FLI1: variants seen among roughly 807,000 people sequenced by gnomAD.
FLI1 encodes Friend leukemia integration 1 transcription factor.
A neutral mutation model predicts 53.1 loss-of-function variants in FLI1; 13 were observed. That is an observed-to-expected ratio of 0.24 (90% confidence interval 0.16 to 0.39). The LOEUF (loss-of-function observed/expected upper bound fraction) is 0.39, where lower values mean the gene tolerates loss of function less well. FLI1 is among the 10% of genes least tolerant of loss of function. The pLI is 1.00. For synonymous variants in FLI1, 244 were observed against 236.7 expected, an observed-to-expected ratio of 1.03 and a Z score of -0.28; for missense variants, 424 against 600.5, an observed-to-expected ratio of 0.71 and a Z score of 3.07.
intron 5 of FLI1, among the ~76,000 whole-genome samples, chr11:128,794,912 C>A (rs896786919): frequency 2.6e-5 from 4 of 152,060 alleles, no homozygotes; most frequent in Non-Finnish European, 4.4e-5. Context: ...TCAATCTCTA[C>A]ATCAAATAAA....
At chr11:128,755,487 G>A (rs550488703) in intron 1 of FLI1, among the ~76,000 whole-genome samples, 220 of 152,282 alleles carry the variant, frequency 1.4e-3, no homozygotes, top group African/African-American at 4.7e-3. Context: ...CTTCCAGTGC[G>A]GAGCTCAAGG....
At chr11:128,723,272 G>C (rs1335089930) in intron 1 of FLI1, among the ~76,000 whole-genome samples, 1 of 152,142 alleles carries the variant, frequency 6.6e-6, no homozygotes, top group Non-Finnish European at 1.5e-5. Flanking sequence ...GGAGCAAGTG[G>C]GGGCTCAGGC....
At chr11:128,709,323 G>A (rs1015819920) in intron 1 of FLI1, among the ~76,000 whole-genome samples, 1 of 152,120 alleles carries the variant, frequency 6.6e-6, no homozygotes, top group Non-Finnish European at 1.5e-5. Flanking sequence ...CATTCAAGTC[G>A]ATGCATGAAT....
At chr11:128,709,178 A>G (rs959039363) in intron 1 of FLI1, among the ~76,000 whole-genome samples, 1 of 152,240 alleles carries the variant, frequency 6.6e-6, no homozygotes, top group East Asian at 1.9e-4. Flanking sequence ...TAGTACTGGT[A>G]GTAATAATGC....
intron 5 of FLI1, among the ~76,000 whole-genome samples, chr11:128,793,036 C>T (rs376048596): frequency 2.0e-5 from 3 of 151,926 alleles, no homozygotes; most frequent in African/African-American, 2.4e-5. Flanking sequence ...GAGTATTGCT[C>T]GAGCCCGGGA....
chr11:128,725,455 A>T (rs1939431827), intron 1 of FLI1, among the ~76,000 whole-genome samples: 1 of 152,198 alleles, frequency 6.6e-6, no homozygotes. Context: ...GCAGCCAGGG[A>T]CCCAGCATGG....
chr11:128,790,836 T>C (rs1942249694), intron 5 of FLI1, among the ~76,000 whole-genome samples: 1 of 152,090 alleles, frequency 6.6e-6, no homozygotes, highest in African/African-American at 2.4e-5. Context: ...TTCTCCCCAG[T>C]TTCTGTGTTA....
chr11:128,781,973 A>G lies in FLI1; in HGVS notation c.605A>G (p.Tyr202Cys). The change falls in exon 5 of 9, where the codon TAT becomes TGT. Residue 202 changes from tyrosine to cysteine, a missense_variant. Tyr to Cys is a radical substitution (Grantham distance 194). Coordinates refer to ENST00000527786, the MANE Select transcript of FLI1 (RefSeq NM_002017.5). The stretch of plus-strand genomic sequence containing the variant: ...TGCCTCTCAGGTTCACTGCTGGCCT[A>G]TAATACAACCTCCCACACCGACCAA... Reference protein sequence around the residue: ...SYLRESSLLAYNTTSHTDQSS... With the variant: ...SYLRESSLLACNTTSHTDQSS... 10 of 1,613,902 alleles carry G rather than the reference A, an allele frequency of 6.2e-6. No homozygotes were observed. Among genetic ancestry groups the G allele is most frequent in the Non-Finnish European group, 8.5e-6 (10 of 1,179,790 alleles).
At chr11:128,709,214 TAC>T (rs1397115482) in intron 1 of FLI1, among the ~76,000 whole-genome samples, 1 of 152,256 alleles carries the variant, frequency 6.6e-6, no homozygotes, top group Non-Finnish European at 1.5e-5. Flanking sequence ...CTACCAACCT[TAC>T]TAATAATAAG....
rs1186925913 is a variant in FLI1 at position 128,810,643 on chromosome 11, C to A, written c.1014C>A (p.Ala338=). Residue 338 remains alanine, a synonymous_variant, in exon 9 of 9, where the codon GCC becomes GCA. Transcript: ENST00000527786. This position sits in a 1 kb window ranked among gnomAD's most constrained non-coding sequence, Gnocchi z 6.6. ...PNMNYDKLSR[A]LRYYYDKNIM... ...TGAATTACGACAAGCTGAGCCGGGCCCTCCGTTATTACTATGATAAAAACA... is the reference window on the plus strand; with the variant it reads ...TGAATTACGACAAGCTGAGCCGGGCACTCCGTTATTACTATGATAAAAACA... 1.2e-5 allele frequency: 19 copies of A among 1,613,922 alleles called. No individual in the cohort carries two copies. Among genetic ancestry groups the A allele is most frequent in the Non-Finnish European group, 1.6e-5 (19 of 1,179,938 alleles).
intron 5 of FLI1, among the ~76,000 whole-genome samples, chr11:128,788,438 C>T (rs939732684): frequency 5.3e-5 from 8 of 152,142 alleles, no homozygotes; most frequent in Non-Finnish European, 8.8e-5. Context: ...CACTGCACTC[C>T]AGCCTGGGTG....
In FLI1 at chr11:128,798,481, T is replaced by A. The variant is rs1366778969; in HGVS notation, c.656-6885T>A. Among the ~76,000 whole-genome samples, 4 of 152,370 alleles carry A rather than the reference T, an allele frequency of 2.6e-5. No homozygotes were observed. The East Asian group carries it at 7.7e-4, about 29-fold the overall frequency. ...GCTTTTCATATTTAAAAGTCAGCTA[T>A]TTCTTCCAAGCCTTTTCCTCGTAGG... On this transcript the variant is annotated intron_variant, in intron 5 of 8. Coordinates refer to ENST00000527786, the MANE Select transcript of FLI1 (RefSeq NM_002017.5).
At chr11:128,726,938 G>C (rs370761732) in intron 1 of FLI1, among the ~76,000 whole-genome samples, 42 of 152,270 alleles carry the variant, frequency 2.8e-4, no homozygotes, top group East Asian at 2.3e-3. Context: ...GGGGCAGAGG[G>C]GGGAAGAGGA....
chr11:128,779,694 G>A (rs1941849798), intron 4 of FLI1, among the ~76,000 whole-genome samples: 1 of 152,230 alleles, frequency 6.6e-6, no homozygotes, highest in South Asian at 2.1e-4. Context: ...GGCTCAAAGA[G>A]ATGAGGGAAA....
At position 128,781,971 on chromosome 11, in the gene FLI1, C is replaced by T. The variant is rs1271407777; in HGVS notation, c.603C>T (p.Ala201=). Residue 201 remains alanine (A), a synonymous_variant, in exon 5 of 9, where the codon GCC becomes GCT. Transcript: ENST00000527786. ...LSYLRESSLL[A]YNTTSHTDQS... is the part of the protein sequence containing the mutation. The stretch of plus-strand genomic sequence containing the variant: ...TTTGCCTCTCAGGTTCACTGCTGGC[C>T]TATAATACAACCTCCCACACCGACC... The T allele has an allele frequency of 6.2e-7, 1 of 1,613,762 alleles. No individual in the cohort carries two copies. Among genetic ancestry groups the T allele is most frequent in the South Asian group, 1.1e-5 (1 of 91,084 alleles).
chr11:128,755,994 C>T (rs979403895), intron 1 of FLI1, among the ~76,000 whole-genome samples: 2 of 152,136 alleles, frequency 1.3e-5, no homozygotes, highest in Non-Finnish European at 2.9e-5. Context: ...AAGAGACAGC[C>T]CATGGAGCAG....
intron 1 of FLI1, among the ~76,000 whole-genome samples, chr11:128,718,086 G>A (rs930705464): frequency 1.3e-5 from 2 of 152,174 alleles, no homozygotes; most frequent in African/African-American, 4.8e-5. Context: ...CTTGGAATGG[G>A]ACCCAAATTA....
At chr11:128,780,595 CA>C (rs35623490) in intron 4 of FLI1, among the ~76,000 whole-genome samples, 17,528 of 151,940 alleles carry the variant, frequency 0.12, 2,252 homozygotes, top group African/African-American at 0.32. Context: ...AACTCCGTTT[CA>C]AAAAAAATAA....
At chr11:128,728,614 T>C (rs557732543) in intron 1 of FLI1, among the ~76,000 whole-genome samples, 4 of 152,364 alleles carry the variant, frequency 2.6e-5, no homozygotes, top group African/African-American at 9.6e-5. Flanking sequence ...CTGAGTGTCC[T>C]TGTGACCAGA....
Sources: gnomAD v4.1 joint callset for allele counts (sites outside exome capture counted in the v4.1 genomes callset) on GRCh38, gnomAD v4.1.1 for gene constraint, Gnocchi (gnomAD v3.1) non-coding constraint, MANE v1.5 for transcripts, NCBI Gene and HGNC (gene_info 2026-07-23, HGNC 2026-07-21) for gene names.